Variants in ASTN2 observed in about 807,000 individuals in gnomAD.
ASTN2 encodes astrotactin 2.
In ASTN2, 54 loss-of-function variants were observed where a neutral mutation model predicts 139.8. The observed-to-expected ratio is 0.39, with a 90% confidence interval of 0.31 to 0.48. The LOEUF is 0.48. Ranked by LOEUF, ASTN2 falls within the 20% of genes least tolerant of loss-of-function variation. The pLI, the probability that ASTN2 is intolerant of heterozygous loss-of-function variation, is 0.95. For missense variants in ASTN2, 1,565 were observed against 1,725.1 expected, an observed-to-expected ratio of 0.91 and a Z score of 1.64; for synonymous variants, 756 against 719.5, an observed-to-expected ratio of 1.05 and a Z score of -0.81.
intron 3 of ASTN2, among the ~76,000 whole-genome samples, chr9:117,213,796 C>A (rs969514173): frequency 6.6e-6 from 1 of 152,068 alleles, no homozygotes; most frequent in African/African-American, 2.4e-5. Context: ...TCTGTCTAGA[C>A]GGCAGTGACC....
At chr9:117,262,417 A>ATTGT (rs144490510) in intron 2 of ASTN2, among the ~76,000 whole-genome samples, 2 of 149,842 alleles carry the variant, frequency 1.3e-5, no homozygotes, top group Non-Finnish European at 3.0e-5. Flanking sequence ...TTATTTATTT[A>ATTGT]TTTTTTATCT....
At position 117,081,200 on chromosome 9, in the gene ASTN2, C is replaced by T. The variant is rs1828418535; in HGVS notation, c.1276+14844G>A. Among the ~76,000 whole-genome samples the T allele has an allele frequency of 2.0e-5, 3 of 152,324 alleles. No individual in the cohort carries two copies. In the South Asian group the frequency reaches 6.2e-4, roughly 32 times the overall value. ...GCCTTGCATTGTTAGTTACAAATCT[C>T]CCCTGAATCCACTTGTCCTGCAGTC... is the stretch of plus-strand genomic sequence containing the variant. On this transcript the variant is annotated intron_variant, in intron 5 of 22. Coordinates refer to ENST00000313400, the MANE Select transcript of ASTN2 (RefSeq NM_001365068.1).
At chr9:116,849,178 ACT>A (rs1295552804) in intron 11 of ASTN2, among the ~76,000 whole-genome samples, 1 of 152,020 alleles carries the variant, frequency 6.6e-6, no homozygotes. Flanking sequence ...CATGTGTTCT[ACT>A]CTCTGGAAAC....
intron 19 of ASTN2, among the ~76,000 whole-genome samples, chr9:116,535,114 A>G (rs1851555497): frequency 6.6e-6 from 1 of 152,152 alleles, no homozygotes; most frequent in East Asian, 1.9e-4. Flanking sequence ...ACCATTATGT[A>G]ATGGCCTTCT....
chr9:117,329,463 G>A (rs1183707328), intron 1 of ASTN2, among the ~76,000 whole-genome samples: 1 of 152,022 alleles, frequency 6.6e-6, no homozygotes, highest in Non-Finnish European at 1.5e-5. Flanking sequence ...GAGAGGAGAG[G>A]GAATGGTCCC....
At chr9:116,450,501 G>C (rs914078191) in intron 20 of ASTN2, among the ~76,000 whole-genome samples, 5 of 152,152 alleles carry the variant, frequency 3.3e-5, no homozygotes, top group African/African-American at 1.2e-4. Flanking sequence ...TCCATAGCCC[G>C]TTGAAGACCT....
At chr9:116,721,789 T>C (rs1013083915) in intron 16 of ASTN2, among the ~76,000 whole-genome samples, 8 of 152,210 alleles carry the variant, frequency 5.3e-5, no homozygotes, top group African/African-American at 1.7e-4. Context: ...AAACTCTGCC[T>C]TCCTGCCTGG....
At position 117,069,192 on chromosome 9, in the gene ASTN2, G is replaced by A. The variant is rs1246685796; in HGVS notation, c.1276+26852C>T. 7.1e-5 allele frequency among the ~76,000 whole-genome samples: 6 copies of A among 84,090 alleles called. 1 individual carries two copies. The Admixed American group carries it at 7.2e-4, about 10-fold the overall frequency. 55.2% of individuals were successfully genotyped at this position (84,090 alleles called of 152,430 possible). A position where few individuals can be genotyped will look rare whatever the true frequency, so the allele number is the denominator to read the frequency against. On this transcript the variant is annotated intron_variant, in intron 5 of 22. Coordinates refer to ENST00000313400, the MANE Select transcript of ASTN2 (RefSeq NM_001365068.1). ...CACACTGCTTTGAATGCGTCCCAGA[G>A]ATTCTGGTATGTTGTGTCTTTGTTC...
chr9:116,474,768 T>G (rs1408062351), intron 20 of ASTN2, among the ~76,000 whole-genome samples: 1 of 152,140 alleles, frequency 6.6e-6, no homozygotes, highest in Admixed American at 6.5e-5. Flanking sequence ...AAAAAGAAAC[T>G]GAGGATCAGA....
intron 1 of ASTN2, among the ~76,000 whole-genome samples, chr9:117,408,115 T>C (rs1831051696): frequency 6.6e-6 from 1 of 151,632 alleles, no homozygotes; most frequent in Non-Finnish European, 1.5e-5. Flanking sequence ...GGAAAACCAA[T>C]TCAATTTCCC....
intron 20 of ASTN2, among the ~76,000 whole-genome samples, chr9:116,453,974 T>C (rs1313792069): frequency 6.6e-6 from 1 of 152,226 alleles, no homozygotes; most frequent in African/African-American, 2.4e-5. Context: ...GGCTGCCTGT[T>C]GTGACCTTGG....
At chr9:116,801,047 A>C (rs572409441) in intron 13 of ASTN2, among the ~76,000 whole-genome samples, 2 of 152,134 alleles carry the variant, frequency 1.3e-5, no homozygotes, top group Non-Finnish European at 2.9e-5. Context: ...AGAGTTTGAT[A>C]TCCTAGGCCA....
At chr9:116,650,745 T>C (rs754291818) in intron 17 of ASTN2, among the ~76,000 whole-genome samples, 1 of 152,086 alleles carries the variant, frequency 6.6e-6, no homozygotes, top group Non-Finnish European at 1.5e-5. Context: ...GTATGGACAA[T>C]GGCTGAGTTC....
intron 3 of ASTN2, among the ~76,000 whole-genome samples, chr9:117,154,481 G>A (rs1165851150): frequency 6.6e-6 from 1 of 152,010 alleles, no homozygotes; most frequent in African/African-American, 2.4e-5. Flanking sequence ...TAGTTGCTGT[G>A]TGACTTTGGA....
chr9:117,031,499 G>A (rs546485125), intron 6 of ASTN2, among the ~76,000 whole-genome samples: 1 of 152,108 alleles, frequency 6.6e-6, no homozygotes, highest in African/African-American at 2.4e-5. Flanking sequence ...CCAAGGTTCT[G>A]AACATAATGT....
intron 10 of ASTN2, among the ~76,000 whole-genome samples, chr9:116,865,964 G>C (rs1009266113): frequency 1.3e-5 from 2 of 152,162 alleles, no homozygotes; most frequent in African/African-American, 4.8e-5. Context: ...AGTGACATCA[G>C]GCAAGATCCT....
chr9:116,801,585 CAAAAAAAAAAAAAA>C (rs397893932), intron 13 of ASTN2, among the ~76,000 whole-genome samples: 1 of 60,364 alleles, frequency 1.7e-5, no homozygotes, highest in African/African-American at 6.1e-5. Flanking sequence ...GGCTCTGTCT[CAAAAAAAAAAAAAA>C]AAAAAAAAAA....
intron 3 of ASTN2, among the ~76,000 whole-genome samples, chr9:117,144,607 T>G (rs1830147951): frequency 6.7e-6 from 1 of 148,660 alleles, no homozygotes; most frequent in South Asian, 2.1e-4. Flanking sequence ...TGACAGTTCC[T>G]CAGTAAGAGG....
chr9:116,782,042 G>A (rs10817933), intron 13 of ASTN2, among the ~76,000 whole-genome samples: 89,197 of 151,900 alleles, frequency 0.59, 26,438 homozygotes, highest in Middle Eastern at 0.82. Context: ...TGCTGCCTCC[G>A]ACAGTGAGAC....
Sources: gnomAD v4.1 joint callset for allele counts (sites outside exome capture counted in the v4.1 genomes callset) on GRCh38, gnomAD v4.1.1 for gene constraint, MANE v1.5 for transcripts, NCBI Gene and HGNC (gene_info 2026-07-23, HGNC 2026-07-21) for gene names.